The following GNPDA2 variants were observed in gnomAD, a reference collection of about 807,000 sequenced individuals.
GNPDA2 encodes glucosamine-6-phosphate deaminase 2.
GNPDA2 carries 24 observed loss-of-function variants against 27.0 expected under a neutral mutation model. The observed-to-expected ratio is 0.89, with a 90% CI of 0.64 to 1.25. The LOEUF (loss-of-function observed/expected upper bound fraction) is 1.25. GNPDA2 is among the 50% of genes most tolerant of loss of function. The pLI is 0.00. For missense variants in GNPDA2, 286 were observed against 335.1 expected, an observed-to-expected ratio of 0.85 and a Z score of 1.14; for synonymous variants, 94 against 108.4, an observed-to-expected ratio of 0.87 and a Z score of 0.83.
intron 4 of GNPDA2, among the ~76,000 whole-genome samples, chr4:44,714,958 C>T (rs1016346609): frequency 6.6e-6 from 1 of 152,136 alleles, no homozygotes; most frequent in East Asian, 1.9e-4. Context: ...CGGGGAGGAG[C>T]GGGGAAACAA....
intron 6 of GNPDA2, chr4:44,703,555 T>C (rs1013541383): frequency 3.9e-5 from 39 of 991,424 alleles, no homozygotes; most frequent in Non-Finnish European, 4.2e-5. Context: ...TGTCTCACTC[T>C]TAATACATTA....
rs1716334221 is a variant in GNPDA2 at position 44,702,438 on chromosome 4, T to C, written c.*643A>G. 3 of 976,370 alleles carry C rather than the reference T, an allele frequency of 3.1e-6. No homozygotes were observed. In the Admixed American group the frequency reaches 1.9e-4, roughly 60 times the overall value. The allele number at this position is 976,370 out of a possible 1,614,324, so 60.5% of individuals were successfully genotyped here. Reference sequence around the variant, plus strand: ...AAGTCGTTAAATAAAAATAAGATATTTGTAAAAAAGTGCTATAGAAGAAGG... The same window carrying C: ...AAGTCGTTAAATAAAAATAAGATATCTGTAAAAAAGTGCTATAGAAGAAGG... On this transcript the variant is annotated 3_prime_UTR_variant, in exon 7 of 7. Coordinates refer to ENST00000295448, the MANE Select transcript of GNPDA2 (RefSeq NM_138335.3).
chr4:44,704,043 CAG>C (rs1280409254), intron 6 of GNPDA2: 2 of 985,118 alleles, frequency 2.0e-6, no homozygotes, highest in Admixed American at 1.2e-4. Context: ...TGTTAGTAAA[CAG>C]ATGTTCCTTG....
chr4:44,705,068 G>C (rs1716505289), intron 6 of GNPDA2: 1 of 984,202 alleles, frequency 1.0e-6, no homozygotes. Flanking sequence ...TATTGTTTTG[G>C]ATCTAGTTAA....
At chr4:44,724,200 C>A (rs1484900449) in intron 1 of GNPDA2, among the ~76,000 whole-genome samples, 4 of 151,926 alleles carry the variant, frequency 2.6e-5, no homozygotes. Flanking sequence ...GAAGTCAGCA[C>A]AAATTGGCCT....
chr4:44,705,197 A>G, intron 6 of GNPDA2: 3 of 980,652 alleles, frequency 3.1e-6, no homozygotes, highest in Non-Finnish European at 3.6e-6. Flanking sequence ...GATGACAATT[A>G]TAGGAATTTA....
intron 5 of GNPDA2, 50 bp from the exon 6 acceptor site, chr4:44,707,976 A>C: frequency 7.5e-7 from 1 of 1,335,906 alleles, no homozygotes; most frequent in East Asian, 2.4e-5. Context: ...AATGAGTAAG[A>C]AGCTCTATTT....
At chr4:44,716,389 A>G (rs973469119) in intron 4 of GNPDA2, among the ~76,000 whole-genome samples, 1 of 151,904 alleles carries the variant, frequency 6.6e-6, no homozygotes. Flanking sequence ...AAAAATTTTG[A>G]TTTTAGTTTA....
In GNPDA2 at chr4:44,717,240, A is replaced by T; in HGVS notation, c.282T>A (p.Phe94Leu). 1 of 1,560,022 alleles carries T rather than the reference A, an allele frequency of 6.4e-7. No homozygotes were observed. The highest frequency in any genetic ancestry group is 1.7e-5 in the Admixed American group (1 of 57,180). Residue 94 changes from phenylalanine (F) to leucine (L), a missense_variant, in exon 4 of 7, where the codon TTT becomes TTA. Coordinates refer to ENST00000295448, the MANE Select transcript of GNPDA2 (RefSeq NM_138335.3). ...SYHSYMWNNF[F>L]KHIDIDPNNA... ...TATTAGGATCTATATCGATATGCTT[A>T]AAAAAATTATTCCACATATAAGAAT...
chr4:44,705,012 TTATATAGG>T, intron 6 of GNPDA2: 1 of 970,356 alleles, frequency 1.0e-6, no homozygotes. Flanking sequence ...GTATATACCG[TTATATAGG>T]TATATATTGA....
chr4:44,717,097 A>G lies in GNPDA2; in HGVS notation c.409+16T>C. The G allele has an allele frequency of 6.4e-7, 1 of 1,568,688 alleles. No individual in the cohort carries two copies. The highest frequency in any genetic ancestry group is 1.2e-5 in the South Asian group (1 of 85,506). Reference sequence around the variant, plus strand: ...AAACACTAACAAACAGTTAATGACAAAAGGTTTTTACATACCTCCAACAAA... The same window carrying G: ...AAACACTAACAAACAGTTAATGACAGAAGGTTTTTACATACCTCCAACAAA... On this transcript the variant is annotated intron_variant, in intron 4 of 6. Transcript: ENST00000295448.
At chr4:44,715,705 A>G (rs2109711344) in intron 4 of GNPDA2, among the ~76,000 whole-genome samples, 1 of 152,194 alleles carries the variant, frequency 6.6e-6, no homozygotes, top group Admixed American at 6.5e-5. Flanking sequence ...GGATTACTGA[A>G]GTAATATTAG....
chr4:44,725,033 GA>G (rs915984403), intron 1 of GNPDA2, among the ~76,000 whole-genome samples: 7 of 151,750 alleles, frequency 4.6e-5, no homozygotes, highest in African/African-American at 1.7e-4. Flanking sequence ...TAATAAAACG[GA>G]AAAAAAATAA....
At chr4:44,716,173 G>A (rs766586879) in intron 4 of GNPDA2, among the ~76,000 whole-genome samples, 3 of 151,898 alleles carry the variant, frequency 2.0e-5, no homozygotes, top group African/African-American at 7.2e-5. Context: ...ACAATTTTAC[G>A]TCTGACTTTA....
intron 1 of GNPDA2, among the ~76,000 whole-genome samples, chr4:44,722,853 C>T (rs555570346): frequency 3.3e-5 from 5 of 152,088 alleles, no homozygotes; most frequent in South Asian, 4.2e-4. Flanking sequence ...AAATAAAATG[C>T]CCAGTTATAG....
intron 3 of GNPDA2, among the ~76,000 whole-genome samples, chr4:44,717,537 CAAG>C (rs1717382607): frequency 1.3e-5 from 2 of 151,768 alleles, no homozygotes. Context: ...AATTGAAACA[CAAG>C]AATCTTTCCC....
chr4:44,723,840 G>A (rs958898391), intron 1 of GNPDA2, among the ~76,000 whole-genome samples: 2 of 152,076 alleles, frequency 1.3e-5, no homozygotes, highest in Non-Finnish European at 2.9e-5. Context: ...TCAAGGGTCC[G>A]GTTACAAAGT....
intron 5 of GNPDA2, among the ~76,000 whole-genome samples, chr4:44,709,594 C>T (rs1272392748): frequency 6.6e-6 from 1 of 152,004 alleles, no homozygotes; most frequent in Non-Finnish European, 1.5e-5. Flanking sequence ...AGCAATAACA[C>T]TATTTTAAAA....
chr4:44,725,141 A>G (rs1363066103), intron 1 of GNPDA2, among the ~76,000 whole-genome samples: 2 of 152,058 alleles, frequency 1.3e-5, no homozygotes, highest in Non-Finnish European at 2.9e-5. Context: ...GACCTATTAT[A>G]TTCTAAGCAC....
Sources: gnomAD v4.1 joint callset for allele counts (sites outside exome capture counted in the v4.1 genomes callset) on GRCh38, gnomAD v4.1.1 for gene constraint, MANE v1.5 for transcripts, NCBI Gene and HGNC (gene_info 2026-07-23, HGNC 2026-07-21) for gene names.